The following ZC2HC1B variants were observed in gnomAD, a reference collection of about 807,000 sequenced individuals.
The protein encoded by ZC2HC1B is zinc finger C2HC-type containing 1B.
Under a neutral mutation model 31.0 loss-of-function variants are expected in ZC2HC1B, and 36 were observed. That is an observed-to-expected ratio of 1.16 (90% CI 0.89 to 1.54). The LOEUF (loss-of-function observed/expected upper bound fraction) is 1.54. Among genes scored for constraint, ZC2HC1B ranks in the 40% most tolerant of loss-of-function variants. The pLI is 0.00. For synonymous variants in ZC2HC1B, 73 were observed against 88.0 expected, an observed-to-expected ratio of 0.83 and a Z score of 0.95; for missense variants, 260 against 268.6, an observed-to-expected ratio of 0.97 and a Z score of 0.22.
chr6:143,867,548 T>G lies in ZC2HC1B; in HGVS notation c.28+2981T>G, dbSNP rs551809984. 9.5e-4 allele frequency among the ~76,000 whole-genome samples: 144 copies of G among 152,316 alleles called. 2 individuals are homozygous for G. Among genetic ancestry groups the G allele is most frequent in the Non-Finnish European group, 1.6e-3 (107 of 68,018 alleles). ...GCATTCTTGTTTTATATTTTCTGCT[T>G]CTAAACTCACCCTGACCTCTCAAGA... On this transcript the variant is annotated intron_variant, in intron 1 of 7. Coordinates refer to ENST00000237275, the MANE Select transcript of ZC2HC1B (RefSeq NM_001013623.3).
rs1307596614 is a variant in ZC2HC1B at position 143,916,958 on chromosome 6, G to T, written c.598+13806G>T. Among the ~76,000 whole-genome samples, 3 of 152,164 alleles carry T rather than the reference G, an allele frequency of 2.0e-5. No individual in the cohort carries two copies. The East Asian group carries it at 5.8e-4, about 29-fold the overall frequency. Reference sequence around the variant, plus strand: ...GGGGGACTGTTGGGAAGGCATGATTGGTTTTGAAATGTGAAGACATGAGAT... The same window carrying T: ...GGGGGACTGTTGGGAAGGCATGATTTGTTTTGAAATGTGAAGACATGAGAT... On this transcript the variant is annotated intron_variant, in intron 6 of 7. Coordinates refer to ENST00000237275, the MANE Select transcript of ZC2HC1B (RefSeq NM_001013623.3).
rs1169825921 is a variant in ZC2HC1B, at chr6:143,922,128, CACTT to C, written c.599-15519_599-15516del. ...CAAGCCCATGCATTAGTTAGAATCT[CACTT>C]AGTGAGATTTCCTTCGTTCTGTTCT... On this transcript the variant is annotated intron_variant, in intron 6 of 7. Transcript: ENST00000237275. This position sits in a 1 kb window ranked among gnomAD's most constrained non-coding sequence, Gnocchi z 5.0. 2.0e-5 allele frequency among the ~76,000 whole-genome samples: 3 copies of C among 152,178 alleles called. No homozygotes were observed. The highest frequency in any genetic ancestry group is 4.4e-5 in the Non-Finnish European group (3 of 68,030).
chr6:143,870,010 T>C lies in ZC2HC1B; in HGVS notation c.28+5443T>C, dbSNP rs573101258. 6.6e-6 allele frequency among the ~76,000 whole-genome samples: 1 copy of C among 152,306 alleles called. No homozygotes were observed. The highest frequency in any genetic ancestry group is 2.1e-4 in the South Asian group (1 of 4,826). On this transcript the variant is annotated intron_variant, in intron 1 of 7. Coordinates refer to ENST00000237275, the MANE Select transcript of ZC2HC1B (RefSeq NM_001013623.3). The surrounding 1 kb of genome is among the most constrained non-coding windows in gnomAD (Gnocchi z 4.7). ...TGAGCATTCACATGGGATACAAATA[T>C]CTTTCCAGTTTTTGACCACTCAGAG... is the stretch of plus-strand genomic sequence containing the variant.
intron 5 of ZC2HC1B, among the ~76,000 whole-genome samples, chr6:143,900,804 G>A (rs1455085623): frequency 1.3e-5 from 2 of 152,196 alleles, no homozygotes; most frequent in African/African-American, 4.8e-5. Context: ...TGGGTGGTGA[G>A]AGGCAGTGGT....
rs151070550 is a variant in ZC2HC1B, at chr6:143,913,385, C to G, written c.598+10233C>G. 2.0e-5 allele frequency among the ~76,000 whole-genome samples: 3 copies of G among 152,218 alleles called. No individual in the cohort carries two copies. The stretch of plus-strand genomic sequence containing the variant: ...AACAGCAGAGGTGTTGCCCACCACT[C>G]TCCCCTTGAGGCTCCATCCTGTCTC... On this transcript the variant is annotated intron_variant, in intron 6 of 7. Coordinates refer to ENST00000237275, the MANE Select transcript of ZC2HC1B (RefSeq NM_001013623.3). The surrounding 1 kb of genome is among the most constrained non-coding windows in gnomAD (Gnocchi z 5.7).
chr6:143,935,224 T>C, intron 6 of ZC2HC1B, among the ~76,000 whole-genome samples: 1 of 151,674 alleles, frequency 6.6e-6, no homozygotes, highest in South Asian at 2.1e-4. Context: ...CTGGTAGGGG[T>C]GGGTAGAAGC....
Position 143,915,679 on chromosome 6 carries a change from A to G in ZC2HC1B, c.598+12527A>G, listed in dbSNP as rs952675800. ...AGATGAGGAACTTGTTGGGAACTGG[A>G]TCAAAGGTTCCTCTTGTTATGTTTT... On this transcript the variant is annotated intron_variant, in intron 6 of 7. Transcript: ENST00000237275. This position sits in a 1 kb window ranked among gnomAD's most constrained non-coding sequence, Gnocchi z 5.2. 6.6e-6 allele frequency among the ~76,000 whole-genome samples: 1 copy of G among 152,182 alleles called. No homozygotes were observed. Among genetic ancestry groups the G allele is most frequent in the Non-Finnish European group, 1.5e-5 (1 of 68,038 alleles).
rs1200634349 is a variant in ZC2HC1B at position 143,903,007 on chromosome 6, A to G, written c.490-37A>G. 7.8e-6 allele frequency: 12 copies of G among 1,542,406 alleles called. No homozygotes were observed. The East Asian group carries it at 2.9e-4, about 38-fold the overall frequency. On this transcript the variant is annotated intron_variant, in intron 5 of 7. Coordinates refer to ENST00000237275, the MANE Select transcript of ZC2HC1B (RefSeq NM_001013623.3). This position sits in a 1 kb window ranked among gnomAD's most constrained non-coding sequence, Gnocchi z 4.3. ...TGTGGCACCTGAGGTTACATACAGA[A>G]GGTGTTCTCTTTGTCTCTTTCTTTC...
chr6:143,864,641 G>T, intron 1 of ZC2HC1B, 74 bp downstream of exon 1: 1 of 1,481,590 alleles, frequency 6.7e-7, no homozygotes. Flanking sequence ...CTTTTCCAAA[G>T]CTGGTAGGTA....
At chr6:143,889,548 CAA>C (rs1427898432) in intron 4 of ZC2HC1B, among the ~76,000 whole-genome samples, 4 of 151,992 alleles carry the variant, frequency 2.6e-5, no homozygotes, top group African/African-American at 9.7e-5. Context: ...TAATATAGCA[CAA>C]AGTTAACTGC....
In ZC2HC1B at chr6:143,922,991, C is replaced by G. The variant is rs1432507708; in HGVS notation, c.599-14658C>G. Among the ~76,000 whole-genome samples, 2 of 152,118 alleles carry G rather than the reference C, an allele frequency of 1.3e-5. No individual in the cohort carries two copies. The highest frequency in any genetic ancestry group is 2.9e-5 in the Non-Finnish European group (2 of 67,986). ...ACCAACAGTGTATAATATAGAGTTC[C>G]CTTTTCTCCGCATCCTCACAAGCAT... is the stretch of plus-strand genomic sequence containing the variant. On this transcript the variant is annotated intron_variant, in intron 6 of 7. Coordinates refer to ENST00000237275, the MANE Select transcript of ZC2HC1B (RefSeq NM_001013623.3). The surrounding 1 kb of genome is among the most constrained non-coding windows in gnomAD (Gnocchi z 5.0).
chr6:143,890,988 G>A (rs575698510), intron 4 of ZC2HC1B, among the ~76,000 whole-genome samples: 31 of 151,782 alleles, frequency 2.0e-4, no homozygotes, highest in African/African-American at 5.6e-4. Flanking sequence ...AAAATTAGCC[G>A]GGTGCAGTGG....
chr6:143,927,331 A>G (rs1446897186), intron 6 of ZC2HC1B, among the ~76,000 whole-genome samples: 2 of 151,864 alleles, frequency 1.3e-5, no homozygotes, highest in Non-Finnish European at 2.9e-5. Flanking sequence ...AGTCTCTAAT[A>G]CCTGTTATTC....
chr6:143,894,525 A>C (rs1010976236), intron 4 of ZC2HC1B, among the ~76,000 whole-genome samples: 1 of 152,248 alleles, frequency 6.6e-6, no homozygotes, highest in African/African-American at 2.4e-5. Flanking sequence ...GCCACAGTGT[A>C]GTCATACTAT....
At position 143,885,233 on chromosome 6, in the gene ZC2HC1B, T is replaced by C. The variant is rs1028341484; in HGVS notation, c.91-799T>C. Among the ~76,000 whole-genome samples, 7 of 152,318 alleles carry C rather than the reference T, an allele frequency of 4.6e-5. No homozygotes were observed. Among genetic ancestry groups the C allele is most frequent in the African/African-American group, 1.7e-4 (7 of 41,562 alleles). On this transcript the variant is annotated intron_variant, in intron 2 of 7. Coordinates refer to ENST00000237275, the MANE Select transcript of ZC2HC1B (RefSeq NM_001013623.3). This position sits in a 1 kb window ranked among gnomAD's most constrained non-coding sequence, Gnocchi z 4.2. ...AAAAAATGAAATAGCTGTCTTTTAGTTAACTGTGGTTAGAGCCTCCTGAAA... is the reference window on the plus strand; with the variant it reads ...AAAAAATGAAATAGCTGTCTTTTAGCTAACTGTGGTTAGAGCCTCCTGAAA...
chr6:143,920,800 C>T (rs1050433884), intron 6 of ZC2HC1B, among the ~76,000 whole-genome samples: 4 of 150,626 alleles, frequency 2.7e-5, no homozygotes, highest in East Asian at 2.0e-4. Context: ...CCCAGCTACT[C>T]GGGAGGCTGA....
chr6:143,871,100 C>T lies in ZC2HC1B; in HGVS notation c.28+6533C>T, dbSNP rs894374418. 2.0e-5 allele frequency among the ~76,000 whole-genome samples: 3 copies of T among 152,174 alleles called. No individual in the cohort carries two copies. The highest frequency in any genetic ancestry group is 4.8e-5 in the African/African-American group (2 of 41,448). ...CTTCATCTTAGAAGGAATATCTCAA[C>T]AGGACCCATACCACTGGACCCCTAG... On this transcript the variant is annotated intron_variant, in intron 1 of 7. Transcript: ENST00000237275. The surrounding 1 kb of genome is among the most constrained non-coding windows in gnomAD (Gnocchi z 4.1).
intron 4 of ZC2HC1B, among the ~76,000 whole-genome samples, chr6:143,890,498 A>T (rs1777587752): frequency 6.6e-6 from 1 of 152,108 alleles, no homozygotes; most frequent in Non-Finnish European, 1.5e-5. Flanking sequence ...CACACTTAAT[A>T]GTGAAAAACT....
intron 6 of ZC2HC1B, 43 bp from the exon 7 acceptor site, chr6:143,937,606 G>A (rs1408542883): frequency 2.7e-6 from 4 of 1,465,996 alleles, no homozygotes; most frequent in African/African-American, 1.4e-5. Flanking sequence ...TCTTGGTAAT[G>A]TTCTGCTTTG....
Sources: allele counts gnomAD v4.1 joint callset (sites outside exome capture counted in the v4.1 genomes callset), GRCh38; gene constraint gnomAD v4.1.1; non-coding constraint Gnocchi (gnomAD v3.1); transcripts MANE v1.5; gene names NCBI Gene and HGNC (gene_info 2026-07-23, HGNC 2026-07-21).